The following DAB1 variants were observed in gnomAD, a reference collection of about 807,000 sequenced individuals.
DAB1 encodes DAB adaptor protein 1, also known as disabled homolog 1.
A neutral mutation model predicts 64.6 loss-of-function variants in DAB1; 15 were observed. The observed-to-expected ratio is 0.23, with a 90% CI of 0.16 to 0.36. The LOEUF is 0.36. DAB1 is among the 10% of genes least tolerant of loss of function. The probability of loss-of-function intolerance (pLI) is 1.00; values close to 1 mark genes in which losing one functional copy is unlikely to be tolerated. For synonymous variants in DAB1, 235 were observed against 251.9 expected (o/e 0.93, Z 0.64); for missense variants, 596 against 706.7 (o/e 0.84, Z 1.78).
intron 4 of DAB1, among the ~76,000 whole-genome samples, chr1:57,098,842 G>A (rs1415192042): frequency 6.6e-6 from 1 of 152,106 alleles, no homozygotes; most frequent in Non-Finnish European, 1.5e-5. Flanking sequence ...ATTTGAGAAA[G>A]AATAAAAAGG....
chr1:58,173,936 A>G (rs1162692725), intron 4 of DAB1, among the ~76,000 whole-genome samples: 1 of 152,168 alleles, frequency 6.6e-6, no homozygotes, highest in Non-Finnish European at 1.5e-5. Context: ...CTGCTACAGG[A>G]ACCAGAATAG....
At chr1:58,280,933 A>T (rs1436600622) in intron 4 of DAB1, among the ~76,000 whole-genome samples, 1 of 152,176 alleles carries the variant, frequency 6.6e-6, no homozygotes, top group Admixed American at 6.5e-5. Context: ...GAGAAGAGTG[A>T]TCTATAAGGG....
rs534370447 is a variant in DAB1 at position 57,809,657 on chromosome 1, T to A, written n.551+74342A>T. Among the ~76,000 whole-genome samples, 20 of 152,314 alleles carry A rather than the reference T, an allele frequency of 1.3e-4. 1 individual carries two copies. In the South Asian group the frequency reaches 4.2e-3, roughly 32 times the overall value. On this transcript the variant is annotated intron_variant and non_coding_transcript_variant, in intron 6 of 20. Transcript: ENST00000485760. ...TGAATAATTAATTGAGGACTGACAG[T>A]CGCCTCCTGATACAAAACACTATGA...
At position 57,966,018 on chromosome 1, in the gene DAB1, G is replaced by A. The variant is rs184764105; in HGVS notation, n.388-81856C>T. 3.4e-3 allele frequency among the ~76,000 whole-genome samples: 525 copies of A among 152,190 alleles called. 4 individuals carry two copies. The highest frequency in any genetic ancestry group is 5.2e-3 in the Non-Finnish European group (354 of 68,012). On this transcript the variant is annotated intron_variant and non_coding_transcript_variant, in intron 5 of 20. Coordinates refer to the DAB1 transcript ENST00000485760. ...AATTTTAAGAAAGAGTTAGCATCTTGCCTAGCTCACAAATGATCTTCAATA... is the reference window on the plus strand; with the variant it reads ...AATTTTAAGAAAGAGTTAGCATCTTACCTAGCTCACAAATGATCTTCAATA...
At chr1:57,061,778 G>A (rs977213182) in intron 9 of DAB1, among the ~76,000 whole-genome samples, 1 of 152,202 alleles carries the variant, frequency 6.6e-6, no homozygotes, top group Non-Finnish European at 1.5e-5. Flanking sequence ...TAATCTTATC[G>A]TGAAACATGC....
chr1:58,392,988 G>C (rs749764785), intron 3 of DAB1, among the ~76,000 whole-genome samples: 1 of 151,818 alleles, frequency 6.6e-6, no homozygotes, highest in African/African-American at 2.4e-5. Context: ...TGTTGGGATC[G>C]GTCAGAGTTG....
At chr1:57,814,098 C>T (rs755610350) in intron 6 of DAB1, among the ~76,000 whole-genome samples, 12 of 152,064 alleles carry the variant, frequency 7.9e-5, no homozygotes, top group South Asian at 2.1e-4. Context: ...ATCAGGCTCC[C>T]GTCTATGTGT....
chr1:57,730,503 G>T (rs1346964461), intron 6 of DAB1, among the ~76,000 whole-genome samples: 1 of 152,226 alleles, frequency 6.6e-6, no homozygotes, highest in East Asian at 1.9e-4. Flanking sequence ...CAAACCAAGT[G>T]TAGATGTCTC....
intron 6 of DAB1, among the ~76,000 whole-genome samples, chr1:57,807,234 G>A (rs1651404691): frequency 6.6e-6 from 1 of 152,116 alleles, no homozygotes; most frequent in Non-Finnish European, 1.5e-5. Context: ...TACTTACTCT[G>A]CCCCTGTAGA....
chr1:57,276,104 GAATT>G (rs1254713856), intron 2 of DAB1, among the ~76,000 whole-genome samples: 2 of 152,232 alleles, frequency 1.3e-5, no homozygotes, highest in African/African-American at 4.8e-5. Flanking sequence ...AAGTAATACA[GAATT>G]AAATACACAG....
At chr1:57,992,811 A>C (rs1646365930) in intron 5 of DAB1, among the ~76,000 whole-genome samples, 1 of 151,750 alleles carries the variant, frequency 6.6e-6, no homozygotes, top group East Asian at 1.9e-4. Flanking sequence ...ATTATTATCT[A>C]CAGCTGGTGC....
Position 58,137,039 on chromosome 1 carries a change from G to A in DAB1, n.387+13472C>T, listed in dbSNP as rs78757477. ...CAGATGGGGCTGAATGGCGGGAAGG[G>A]CACAGAACTGAGTCAGGAAGTGTGT... On this transcript the variant is annotated intron_variant and non_coding_transcript_variant, in intron 5 of 20. Transcript: ENST00000485760. 3.5e-3 allele frequency among the ~76,000 whole-genome samples: 537 copies of A among 152,152 alleles called. 5 individuals carry two copies. The highest frequency in any genetic ancestry group is 0.012 in the African/African-American group (495 of 41,512).
In DAB1 at chr1:57,382,289, A is replaced by C. The variant is rs551316190; in HGVS notation, c.-137+41641T>G. On this transcript the variant is annotated intron_variant, in intron 1 of 14. Coordinates refer to ENST00000371236, the MANE Select transcript of DAB1 (RefSeq NM_001365792.1). Reference sequence around the variant, plus strand: ...CTGCTAGTCACAGACTGAGCCCCTGACCAAGATACTTCAATTTGCTTGAGT... The same window carrying C: ...CTGCTAGTCACAGACTGAGCCCCTGCCCAAGATACTTCAATTTGCTTGAGT... 2.6e-5 allele frequency among the ~76,000 whole-genome samples: 4 copies of C among 152,270 alleles called. No homozygotes were observed. In the South Asian group the frequency reaches 8.3e-4, roughly 32 times the overall value.
intron 1 of DAB1, among the ~76,000 whole-genome samples, chr1:58,541,218 C>T (rs1414325155): frequency 2.4e-4 from 31 of 130,774 alleles, no homozygotes; most frequent in African/African-American, 1.2e-4. Context: ...CGCTTGAACC[C>T]GGGAGGCGGA....
intron 4 of DAB1, among the ~76,000 whole-genome samples, chr1:58,232,340 T>C (rs537189787): frequency 3.0e-4 from 45 of 152,242 alleles, no homozygotes; most frequent in Admixed American, 7.2e-4. Context: ...CATGCCTAAC[T>C]CATGGGAAAT....
At chr1:58,518,849 T>C (rs1646214913) in intron 2 of DAB1, among the ~76,000 whole-genome samples, 1 of 152,118 alleles carries the variant, frequency 6.6e-6, no homozygotes, top group Non-Finnish European at 1.5e-5. Flanking sequence ...AGACACGAGC[T>C]CTAAGAATTT....
chr1:57,919,801 A>G (rs918922296), intron 5 of DAB1, among the ~76,000 whole-genome samples: 1 of 152,202 alleles, frequency 6.6e-6, no homozygotes, highest in Non-Finnish European at 1.5e-5. Flanking sequence ...TATTCAATAT[A>G]AAATAATATA....
At chr1:57,619,163 T>C (rs1223316484) in intron 7 of DAB1, among the ~76,000 whole-genome samples, 1 of 152,204 alleles carries the variant, frequency 6.6e-6, no homozygotes. Context: ...ATATCCTTTA[T>C]GACAGGAATA....
intron 5 of DAB1, among the ~76,000 whole-genome samples, chr1:58,057,212 A>G (rs1055159814): frequency 3.3e-5 from 5 of 151,866 alleles, no homozygotes; most frequent in African/African-American, 1.2e-4. Context: ...TATTTTTTTT[A>G]ATTATGAATC....
Sources: gnomAD v4.1 joint callset for allele counts (sites outside exome capture counted in the v4.1 genomes callset) on GRCh38, gnomAD v4.1.1 for gene constraint, MANE v1.5 for transcripts, NCBI Gene and HGNC (gene_info 2026-07-23, HGNC 2026-07-21) for gene names.